The following CDK5RAP1 variants were observed in gnomAD, a reference collection of about 807,000 sequenced individuals.
The protein encoded by CDK5RAP1 is CDK5RAP1 mitochondrial tRNA methylthiotransferase, also known as mitochondrial tRNA methylthiotransferase CDK5RAP1.
A neutral mutation model predicts 64.5 loss-of-function variants in CDK5RAP1; 62 were observed. The observed-to-expected ratio is 0.96, with a 90% confidence interval of 0.78 to 1.19. The LOEUF is 1.19. Ranked by LOEUF, CDK5RAP1 falls within the 50% of genes most tolerant of loss-of-function variation. CDK5RAP1 has a pLI of 0.00. For synonymous variants in CDK5RAP1, 250 were observed against 261.9 expected, an observed-to-expected ratio of 0.95 and a Z score of 0.44; for missense variants, 657 against 735.0, an observed-to-expected ratio of 0.89 and a Z score of 1.23.
intron 7 of CDK5RAP1, among the ~76,000 whole-genome samples, chr20:33,384,024 A>G (rs1987107614): frequency 6.6e-6 from 1 of 152,208 alleles, no homozygotes; most frequent in Non-Finnish European, 1.5e-5. Context: ...TTTTTCATAT[A>G]AAAAGATTAA....
rs752761885 is a variant in CDK5RAP1 at position 33,394,079 on chromosome 20, AAAGGAAAAC to A, written c.409-22_409-14del. Reference sequence around the variant, plus strand: ...GAATCACATCTGCCTGAATGGAAAGAAAGGAAAACAAGGAAAATTACATAATATCTTGGA... The same window carrying A: ...GAATCACATCTGCCTGAATGGAAAGAAAGGAAAATTACATAATATCTTGGA... On this transcript the variant is annotated splice_polypyrimidine_tract_variant and intron_variant, in intron 3 of 13. Coordinates refer to ENST00000346416, the MANE Select transcript of CDK5RAP1 (RefSeq NM_016408.4). 1.7e-5 allele frequency: 27 copies of A among 1,577,604 alleles called. No homozygotes were observed. The highest frequency in any genetic ancestry group is 1.3e-5 in the African/African-American group (1 of 74,350).
intron 1 of CDK5RAP1, among the ~76,000 whole-genome samples, chr20:33,398,855 G>A (rs1989138635): frequency 6.6e-6 from 1 of 152,130 alleles, no homozygotes; most frequent in Admixed American, 6.6e-5. Flanking sequence ...GAGCCCAGGA[G>A]ATCAATGCTG....
At chr20:33,361,175 A>G (rs990895529) in intron 12 of CDK5RAP1, among the ~76,000 whole-genome samples, 27 of 152,228 alleles carry the variant, frequency 1.8e-4, no homozygotes, top group African/African-American at 6.3e-4. Context: ...GAGCCCCCCA[A>G]TCACCCCTGC....
chr20:33,388,732 CT>C (rs1209414006), intron 5 of CDK5RAP1, among the ~76,000 whole-genome samples: 1 of 152,046 alleles, frequency 6.6e-6, no homozygotes, highest in Middle Eastern at 3.2e-3. Context: ...CTGCCTGATT[CT>C]CCTGCCTCAA....
intron 5 of CDK5RAP1, among the ~76,000 whole-genome samples, chr20:33,389,778 G>C (rs891050338): frequency 3.9e-5 from 6 of 152,184 alleles, no homozygotes; most frequent in Admixed American, 6.5e-5. Context: ...GGGAAATGTG[G>C]GGAAAAGATA....
intron 4 of CDK5RAP1, among the ~76,000 whole-genome samples, chr20:33,393,257 C>G (rs902366992): frequency 6.6e-6 from 1 of 151,994 alleles, no homozygotes; most frequent in Non-Finnish European, 1.5e-5. Flanking sequence ...TTCACTGTAG[C>G]CTTGAACTCC....
chr20:33,401,416 C>G lies in CDK5RAP1; in HGVS notation c.-21+12G>C. 1.7e-5 allele frequency: 17 copies of G among 985,508 alleles called. No individual in the cohort carries two copies. Among genetic ancestry groups the G allele is most frequent in the Non-Finnish European group, 2.0e-5 (17 of 829,970 alleles). The allele number at this position is 985,508 out of a possible 1,614,324, so 61.0% of individuals were successfully genotyped here. On this transcript the variant is annotated intron_variant, in intron 1 of 13. Transcript: ENST00000346416. ...CGGGTGCGCAGCCCACCCCGGCGGC[C>G]GCGCTGCTCACCTCCCGCAGCAGCA...
At chr20:33,363,907 T>C (rs4911327) in intron 12 of CDK5RAP1, among the ~76,000 whole-genome samples, 3,274 of 151,782 alleles carry the variant, frequency 0.022, 236 homozygotes, top group Admixed American at 0.14. Context: ...TCTCAAAAAA[T>C]ATAAAAAATA....
At position 33,367,024 on chromosome 20, in the gene CDK5RAP1, AAAAG is replaced by A; in HGVS notation, c.1393-20_1393-17del. On this transcript the variant is annotated splice_polypyrimidine_tract_variant and intron_variant, in intron 11 of 13. Coordinates refer to ENST00000346416, the MANE Select transcript of CDK5RAP1 (RefSeq NM_016408.4). ...CCCGTGTCTTCTATTAAAAAAAAAA[AAAAG>A]AGAGAAGATGGAGGTCACCAAGGAC... 2 of 1,597,606 alleles carry A rather than the reference AAAAG, an allele frequency of 1.3e-6. No individual in the cohort carries two copies. Among genetic ancestry groups the A allele is most frequent in the Non-Finnish European group, 8.5e-7 (1 of 1,175,860 alleles).
chr20:33,396,683 G>T, intron 2 of CDK5RAP1, 78 bp downstream of exon 2: 1 of 1,090,366 alleles, frequency 9.2e-7, no homozygotes, highest in Non-Finnish European at 1.4e-6. Context: ...AGCCAGTTCT[G>T]TAATAAAAGA....
chr20:33,375,754 T>A (rs1273582316), intron 8 of CDK5RAP1, among the ~76,000 whole-genome samples: 2 of 152,232 alleles, frequency 1.3e-5, no homozygotes. Flanking sequence ...TGCAATAAAG[T>A]GAGTGACACA....
intron 12 of CDK5RAP1, among the ~76,000 whole-genome samples, chr20:33,365,596 G>GT (rs1423696637): frequency 3.8e-5 from 2 of 52,900 alleles, no homozygotes; most frequent in East Asian, 5.6e-4. Flanking sequence ...TCTCTATAAT[G>GT]TAAAAAAAAA....
intron 4 of CDK5RAP1, among the ~76,000 whole-genome samples, chr20:33,393,708 T>C (rs1988591110): frequency 6.6e-6 from 1 of 152,188 alleles, no homozygotes; most frequent in Non-Finnish European, 1.5e-5. Flanking sequence ...ACATATGCCA[T>C]TAGTTACAAA....
In CDK5RAP1 at chr20:33,392,214, G is replaced by C; in HGVS notation, c.472C>G (p.Arg158Gly). The change falls in exon 5 of 14, where the codon CGT (arginine) becomes GGT (glycine). Residue 158 changes from arginine (R) to glycine (G), a missense_variant. Physicochemically the swap from Arg to Gly is moderately radical, Grantham distance 125. Transcript: ENST00000346416. ...REKAEQTIWN[R>G]LHQLKALKTR... The stretch of plus-strand genomic sequence containing the variant: ...TTCAAGGCTTTAAGCTGATGTAAAC[G>C]GTTCCAGATGGTCTGCTCAGCCTTC... 6.2e-7 allele frequency: 1 copy of C among 1,613,626 alleles called. No individual in the cohort carries two copies. Among genetic ancestry groups the C allele is most frequent in the Non-Finnish European group, 8.5e-7 (1 of 1,179,622 alleles).
In CDK5RAP1 at chr20:33,375,993, G is replaced by A. The variant is rs189534203; in HGVS notation, c.1108-1781C>T. Among the ~76,000 whole-genome samples the A allele has an allele frequency of 1.3e-4, 20 of 152,170 alleles. No homozygotes were observed. The South Asian group carries it at 2.7e-3, about 21-fold the overall frequency. On this transcript the variant is annotated intron_variant, in intron 8 of 13. Transcript: ENST00000346416. ...CTGTTCCAGCGTCCCAAGTAACTAC[G>A]ACTACAGGCATGTGCCACCATGCCC... is the stretch of plus-strand genomic sequence containing the variant.
At chr20:33,386,195 C>G (rs1041033033) in intron 6 of CDK5RAP1, among the ~76,000 whole-genome samples, 1 of 152,216 alleles carries the variant, frequency 6.6e-6, no homozygotes, top group Admixed American at 6.5e-5. Flanking sequence ...TCCTGAGTAG[C>G]TGGGACTACA....
chr20:33,395,837 AC>A (rs1988851070), intron 2 of CDK5RAP1, among the ~76,000 whole-genome samples: 1 of 152,028 alleles, frequency 6.6e-6, no homozygotes, highest in African/African-American at 2.4e-5. Context: ...AAATGGTGAA[AC>A]CCAGGTCTCC....
intron 7 of CDK5RAP1, among the ~76,000 whole-genome samples, chr20:33,380,643 G>A (rs1197431829): frequency 6.6e-6 from 1 of 152,130 alleles, no homozygotes; most frequent in Non-Finnish European, 1.5e-5. Context: ...ATGGAGATAG[G>A]TGTATGACAA....
chr20:33,393,932 G>A (rs945581590), intron 4 of CDK5RAP1, 100 bp downstream of exon 4: 9 of 835,560 alleles, frequency 1.1e-5, no homozygotes, highest in South Asian at 5.4e-5. Flanking sequence ...ACTGCCATGG[G>A]GCCACTGGCT....
Sources: allele counts gnomAD v4.1 joint callset (sites outside exome capture counted in the v4.1 genomes callset), GRCh38; gene constraint gnomAD v4.1.1; transcripts MANE v1.5; gene names NCBI Gene and HGNC (gene_info 2026-07-23, HGNC 2026-07-21).